The following CDH13 variants were observed in gnomAD, a reference collection of about 807,000 sequenced individuals.
CDH13 encodes cadherin-13.
In CDH13, 24 loss-of-function variants were observed where a neutral mutation model predicts 63.8. That is an observed-to-expected ratio of 0.38 (90% CI 0.27 to 0.53). The LOEUF (loss-of-function observed/expected upper bound fraction) is 0.53, where lower values mean the gene tolerates loss of function less well. Ranked by LOEUF, CDH13 falls within the 20% of genes least tolerant of loss-of-function variation. The pLI, the probability that CDH13 is intolerant of heterozygous loss-of-function variation, is 0.85. For missense variants in CDH13, 1,049 were observed against 903.1 expected, an observed-to-expected ratio of 1.16 and a Z score of -2.07; for synonymous variants, 503 against 355.3, an observed-to-expected ratio of 1.42 and a Z score of -4.67.
intron 1 of CDH13, among the ~76,000 whole-genome samples, chr16:82,804,584 A>G (rs897804994): frequency 1.3e-5 from 2 of 152,158 alleles, no homozygotes; most frequent in African/African-American, 2.4e-5. Context: ...CATTTTCCCC[A>G]TATGAAAAAT....
chr16:83,285,863 T>A (rs2089298315), intron 5 of CDH13, among the ~76,000 whole-genome samples: 1 of 152,102 alleles, frequency 6.6e-6, no homozygotes, highest in South Asian at 2.1e-4. Flanking sequence ...GGAAAAAAAA[T>A]AAACTCTACT....
At chr16:83,090,907 T>G (rs1033927348) in intron 3 of CDH13, among the ~76,000 whole-genome samples, 1 of 151,054 alleles carries the variant, frequency 6.6e-6, no homozygotes, top group Non-Finnish European at 1.5e-5. Context: ...AAAAAAGTCA[T>G]TTGGGAACCC....
chr16:83,646,067 G>C (rs1911762230), intron 8 of CDH13, among the ~76,000 whole-genome samples: 1 of 152,196 alleles, frequency 6.6e-6, no homozygotes, highest in Non-Finnish European at 1.5e-5. Flanking sequence ...AGCAGTGTCT[G>C]TGTAGAGTAC....
intron 8 of CDH13, among the ~76,000 whole-genome samples, chr16:83,610,631 CTT>C (rs1908774966): frequency 6.6e-6 from 1 of 152,132 alleles, no homozygotes; most frequent in Non-Finnish European, 1.5e-5. Flanking sequence ...TTTTGTGAGA[CTT>C]ATCTATGTTG....
intron 1 of CDH13, among the ~76,000 whole-genome samples, chr16:82,839,334 G>A (rs1040246363): frequency 6.6e-6 from 1 of 152,204 alleles, no homozygotes; most frequent in Non-Finnish European, 1.5e-5. Context: ...GCTTTATGCT[G>A]TGGGCCCCTT....
chr16:83,418,129 T>C (rs1440145824), intron 6 of CDH13, among the ~76,000 whole-genome samples: 1 of 152,216 alleles, frequency 6.6e-6, no homozygotes, highest in Non-Finnish European at 1.5e-5. Flanking sequence ...GATTTTGCTA[T>C]TCATTAGCTA....
At chr16:83,777,026 C>G (rs943982228) in intron 11 of CDH13, among the ~76,000 whole-genome samples, 5 of 152,220 alleles carry the variant, frequency 3.3e-5, no homozygotes, top group African/African-American at 1.2e-4. Flanking sequence ...CTTCCCACTT[C>G]CCACTGCACT....
At chr16:83,577,939 A>G (rs565962455) in intron 7 of CDH13, among the ~76,000 whole-genome samples, 72 of 152,258 alleles carry the variant, frequency 4.7e-4, no homozygotes, top group Non-Finnish European at 8.7e-4. Flanking sequence ...ATTGTAATAC[A>G]TAAATACCTT....
chr16:82,878,404 C>T (rs1274116635), intron 2 of CDH13, among the ~76,000 whole-genome samples: 2 of 151,048 alleles, frequency 1.3e-5, no homozygotes, highest in Admixed American at 6.7e-5. Flanking sequence ...GCAAATGCCT[C>T]TAGCAAAAAA....
chr16:82,739,157 A>G (rs1419835916), intron 1 of CDH13, among the ~76,000 whole-genome samples: 3 of 152,212 alleles, frequency 2.0e-5, no homozygotes, highest in South Asian at 2.1e-4. Context: ...TATTCTTTAC[A>G]ATAAAGATAA....
At chr16:82,943,770 C>T (rs185592904) in intron 2 of CDH13, among the ~76,000 whole-genome samples, 9 of 152,338 alleles carry the variant, frequency 5.9e-5, no homozygotes, top group Admixed American at 4.6e-4. Context: ...ACACAGATGT[C>T]TCTCAAGGTA....
intron 1 of CDH13, among the ~76,000 whole-genome samples, chr16:82,671,984 A>G (rs926516085): frequency 2.0e-5 from 3 of 152,098 alleles, no homozygotes; most frequent in Non-Finnish European, 2.9e-5. Flanking sequence ...CCCTGAGACT[A>G]TCACCTGCTT....
At chr16:83,085,177 C>A (rs7205713) in intron 3 of CDH13, among the ~76,000 whole-genome samples, 71,349 of 151,496 alleles carry the variant, frequency 0.47, 17,087 homozygotes, top group East Asian at 0.69. Flanking sequence ...AGAATCATGA[C>A]AGGGGGCAAA....
chr16:83,795,053 G>A lies in CDH13; in HGVS notation c.*23G>A. Reference sequence around the variant, plus strand: ...TGAGAACTCCTGACGTCTGAAGCTTGACTCCCAAGTTTCCATAGCAACAGG... The same window carrying A: ...TGAGAACTCCTGACGTCTGAAGCTTAACTCCCAAGTTTCCATAGCAACAGG... On this transcript the variant is annotated 3_prime_UTR_variant, in exon 14 of 14. Coordinates refer to ENST00000567109, the MANE Select transcript of CDH13 (RefSeq NM_001257.5). 1 of 1,579,324 alleles carries A rather than the reference G, an allele frequency of 6.3e-7. No homozygotes were observed. The highest frequency in any genetic ancestry group is 8.6e-7 in the Non-Finnish European group (1 of 1,162,854).
At chr16:82,790,393 C>T (rs576647381) in intron 1 of CDH13, among the ~76,000 whole-genome samples, 8 of 152,212 alleles carry the variant, frequency 5.3e-5, no homozygotes, top group African/African-American at 1.9e-4. Context: ...CAAGATCGCA[C>T]CACTGCACTC....
At chr16:83,063,671 T>C (rs2031770772) in intron 3 of CDH13, among the ~76,000 whole-genome samples, 1 of 152,192 alleles carries the variant, frequency 6.6e-6, no homozygotes, top group Non-Finnish European at 1.5e-5. Flanking sequence ...TATGAACAAA[T>C]TAGCACAAAC....
intron 2 of CDH13, among the ~76,000 whole-genome samples, chr16:83,028,534 C>A (rs575544028): frequency 6.6e-6 from 1 of 152,300 alleles, no homozygotes; most frequent in Non-Finnish European, 1.5e-5. Context: ...GTAGTCCCTG[C>A]TTGTCCTCAG....
chr16:83,053,734 C>A (rs770944629), intron 3 of CDH13, among the ~76,000 whole-genome samples: 7 of 152,050 alleles, frequency 4.6e-5, no homozygotes, highest in Non-Finnish European at 8.8e-5. Flanking sequence ...AGATAAAGAA[C>A]GCTATATCAT....
chr16:83,353,085 A>T (rs1242931237), intron 6 of CDH13, among the ~76,000 whole-genome samples: 1 of 152,214 alleles, frequency 6.6e-6, no homozygotes, highest in Non-Finnish European at 1.5e-5. Context: ...GAAGCGTGGC[A>T]AGGGTGTAAC....
Sources: allele counts gnomAD v4.1 joint callset (sites outside exome capture counted in the v4.1 genomes callset), GRCh38; gene constraint gnomAD v4.1.1; transcripts MANE v1.5; gene names NCBI Gene and HGNC (gene_info 2026-07-23, HGNC 2026-07-21).